INKA2: variants seen among roughly 807,000 people sequenced by gnomAD.
The protein encoded by INKA2 is PAK4-inhibitor INKA2.
Under a neutral mutation model 9.8 loss-of-function variants are expected in INKA2, and 3 were observed. The observed-to-expected ratio is 0.31, with a 90% CI of 0.14 to 0.79. The LOEUF (loss-of-function observed/expected upper bound fraction) is 0.79. INKA2 is among the 30% of genes least tolerant of loss of function. INKA2 has a pLI of 0.62. For missense variants in INKA2, 392 were observed against 384.4 expected, an observed-to-expected ratio of 1.02 and a Z score of -0.17; for synonymous variants, 147 against 143.3, an observed-to-expected ratio of 1.03 and a Z score of -0.18.
chr1:111,740,970 T>C (rs11102330), upstream of INKA2, among the ~76,000 whole-genome samples: 81,068 of 83,454 alleles, frequency 0.97, 39,341 homozygotes, highest in East Asian at 0.99. Flanking sequence ...GAAACTCCGT[T>C]TAAAAAAAAA....
At chr1:111,730,509 C>A (rs1279269391) in intron 1 of INKA2, among the ~76,000 whole-genome samples, 2 of 152,214 alleles carry the variant, frequency 1.3e-5, no homozygotes, top group African/African-American at 4.8e-5. Flanking sequence ...CACACACCTC[C>A]TGTCATCTCC....
intron 1 of INKA2, 44 bp downstream of exon 1, chr1:111,739,142 G>A (rs746542808): frequency 6.3e-7 from 1 of 1,589,674 alleles, no homozygotes; most frequent in Non-Finnish European, 8.6e-7. Context: ...GTGCCCGTCG[G>A]GGCGGAGCAG....
chr1:111,732,194 A>G (rs142675259), intron 1 of INKA2, among the ~76,000 whole-genome samples: 18 of 152,328 alleles, frequency 1.2e-4, no homozygotes, highest in African/African-American at 4.1e-4. Flanking sequence ...CACCCAAGGA[A>G]GAAGAGTCAG....
At position 111,724,595 on chromosome 1, in the gene INKA2, ACAC is replaced by A. The variant is rs1273605170; in HGVS notation, c.*2370_*2372del. 7 of 148,830 alleles carry A rather than the reference ACAC, an allele frequency of 4.7e-5. No individual in the cohort carries two copies. Among genetic ancestry groups the A allele is most frequent in the Middle Eastern group, 3.0e-3 (1 of 338 alleles). 9.2% of individuals were successfully genotyped at this position (148,830 alleles called of 1,614,324 possible). On this transcript the variant is annotated 3_prime_UTR_variant, in exon 2 of 2. Transcript: ENST00000357260. Reference sequence around the variant, plus strand: ...CACACACACACACACACACACACACACACACCACCACTACCACCACCACCACCA... The same window carrying A: ...CACACACACACACACACACACACACAACCACCACTACCACCACCACCACCA...
Position 111,726,879 on chromosome 1 carries a change from G to A in INKA2, c.*89C>T. On this transcript the variant is annotated 3_prime_UTR_variant, in exon 2 of 2. Coordinates refer to ENST00000357260, the MANE Select transcript of INKA2 (RefSeq NM_019099.5). ...AAGGAACTTGGAGTTGGGCTTTCGA[G>A]AGCCATACCGCCCACCCTCCCTCCT... is the stretch of plus-strand genomic sequence containing the variant. 7.6e-7 allele frequency: 1 copy of A among 1,323,516 alleles called. No individual in the cohort carries two copies. Among genetic ancestry groups the A allele is most frequent in the Non-Finnish European group, 1.0e-6 (1 of 955,358 alleles). 82.0% of individuals were successfully genotyped at this position (1,323,516 alleles called of 1,614,324 possible).
In INKA2 at chr1:111,722,897, C is replaced by T; in HGVS notation, c.*4071G>A. ...GGGTTGTCCAGTATCTGCTGAGCTT[C>T]TGCTGTATTCCAGGCAGTGCTTGGA... On this transcript the variant is annotated 3_prime_UTR_variant, in exon 2 of 2. Transcript: ENST00000357260. 1 of 560,510 alleles carries T rather than the reference C, an allele frequency of 1.8e-6. No homozygotes were observed. 34.7% of individuals were successfully genotyped at this position (560,510 alleles called of 1,614,324 possible). A position where few individuals can be genotyped will look rare whatever the true frequency, so the allele number is the denominator to read the frequency against.
At position 111,745,268 on chromosome 1, in the gene INKA2, TATATATA is replaced by T. The variant is rs1663238973; in HGVS notation, n.124+10426_124+10432del. The T allele has an allele frequency of 1.1e-4, 4 of 36,656 alleles. No homozygotes were observed. In the South Asian group the frequency reaches 3.0e-3, roughly 27 times the overall value. 2.3% of individuals were successfully genotyped at this position (36,656 alleles called of 1,614,324 possible). ...CACACACACACACACAGAGATATTATATATATATATATATATATATATATATTTTTTT... is the reference window on the plus strand; with the variant it reads ...CACACACACACACACAGAGATATTATTATATATATATATATATATTTTTTT... On this transcript the variant is annotated intron_variant and non_coding_transcript_variant, in intron 1 of 1. Coordinates refer to the INKA2 transcript ENST00000444059.
intron 1 of INKA2, chr1:111,755,483 G>A: frequency 3.5e-6 from 2 of 577,726 alleles, no homozygotes; most frequent in South Asian, 2.1e-5. Flanking sequence ...GGGTAGCGTT[G>A]GGGAAGAGGT....
Position 111,727,944 on chromosome 1 carries a change from C to T in INKA2, c.58-140G>A, listed in dbSNP as rs508380. Reference sequence around the variant, plus strand: ...GCCACCAGCCCCATCTCTCTATAGCCTAGTGCAGTGCAGATCAGTGCTGGG... The same window carrying T: ...GCCACCAGCCCCATCTCTCTATAGCTTAGTGCAGTGCAGATCAGTGCTGGG... On this transcript the variant is annotated intron_variant, in intron 1 of 1. Transcript: ENST00000357260. 4 of 779,326 alleles carry T rather than the reference C, an allele frequency of 5.1e-6. No homozygotes were observed. The Admixed American group carries it at 6.0e-5, about 12-fold the overall frequency. 48.3% of individuals were successfully genotyped at this position (779,326 alleles called of 1,614,324 possible).
In INKA2 at chr1:111,727,662, G is replaced by A. The variant is rs1384408956; in HGVS notation, c.200C>T (p.Pro67Leu). 18 of 1,610,676 alleles carry A rather than the reference G, an allele frequency of 1.1e-5. No individual in the cohort carries two copies. Among genetic ancestry groups the A allele is most frequent in the Non-Finnish European group, 1.4e-5 (17 of 1,178,164 alleles). ...CTCGCACTGGGTCCTGGGACCTTCAGGGCTGCCTGGCACAGGACCCCCTCC... is the reference window on the plus strand; with the variant it reads ...CTCGCACTGGGTCCTGGGACCTTCAAGGCTGCCTGGCACAGGACCCCCTCC... ...ISGGGPVPGS[P>L]EGPRTQCEHP... is the part of the protein sequence containing the mutation. The change falls in exon 2 of 2, where the codon CCT becomes CTT. Residue 67 changes from proline (P) to leucine (L), a missense_variant. Coordinates refer to ENST00000357260, the MANE Select transcript of INKA2 (RefSeq NM_019099.5).
chr1:111,737,062 G>C (rs981460010), intron 1 of INKA2, among the ~76,000 whole-genome samples: 53 of 152,038 alleles, frequency 3.5e-4, no homozygotes, highest in African/African-American at 1.2e-3. Context: ...GAGCACCATG[G>C]GGGGTAGTGC....
At chr1:111,742,037 C>T (rs772583271), upstream of INKA2, among the ~76,000 whole-genome samples, 2 of 151,940 alleles carry the variant, frequency 1.3e-5, no homozygotes, top group Non-Finnish European at 2.9e-5. Context: ...TCTTTAGGGT[C>T]AAGCTTAAGC....
At chr1:111,734,795 T>TA (rs1662979305) in intron 1 of INKA2, among the ~76,000 whole-genome samples, 1 of 152,250 alleles carries the variant, frequency 6.6e-6, no homozygotes, top group East Asian at 1.9e-4. Context: ...GTTCAAATGC[T>TA]ACCTCTTCCA....
upstream of INKA2, among the ~76,000 whole-genome samples, chr1:111,743,863 C>T (rs139224242): frequency 9.4e-3 from 1,434 of 152,382 alleles, 12 homozygotes; most frequent in Non-Finnish European, 0.016. Flanking sequence ...ACCCCAATCC[C>T]ATCACCCACC....
intron 1 of INKA2, chr1:111,755,622 CAGA>C: frequency 6.3e-7 from 1 of 1,591,576 alleles, no homozygotes; most frequent in South Asian, 1.1e-5. Context: ...CGGCTCCGCC[CAGA>C]AGAGGGCCGA....
At position 111,726,349 on chromosome 1, in the gene INKA2, T is replaced by C. The variant is rs1662770580; in HGVS notation, c.*619A>G. The C allele has an allele frequency of 3.0e-6, 1 of 335,370 alleles. No homozygotes were observed. Among genetic ancestry groups the C allele is most frequent in the Non-Finnish European group, 5.3e-6 (1 of 186,972 alleles). The allele number at this position is 335,370 out of a possible 1,614,324, so 20.8% of individuals were successfully genotyped here. On this transcript the variant is annotated 3_prime_UTR_variant, in exon 2 of 2. Coordinates refer to ENST00000357260, the MANE Select transcript of INKA2 (RefSeq NM_019099.5). ...GCTCCTTACACACTGTACTCCTTAT[T>C]CAGCTCATTTTCTCAGAGTCCAGGT...
At chr1:111,755,565 A>G (rs567756344) in intron 1 of INKA2, 7 of 984,294 alleles carry the variant, frequency 7.1e-6, no homozygotes, top group East Asian at 5.5e-5. Context: ...CACCGGGCGC[A>G]TCACAAAGAA....
chr1:111,734,117 G>A (rs1023852858), intron 1 of INKA2, among the ~76,000 whole-genome samples: 4 of 152,248 alleles, frequency 2.6e-5, no homozygotes, highest in African/African-American at 4.8e-5. Flanking sequence ...CAACAGGAAG[G>A]TAAAGCGGAA....
chr1:111,726,796 AC>A lies in INKA2; in HGVS notation c.*171del. On this transcript the variant is annotated 3_prime_UTR_variant, in exon 2 of 2. Transcript: ENST00000357260. ...CTAGCCCCCAAGACAGCCTCTCCCA[AC>A]CACCTTCCCTTCAGTCCTGAGCCAA... 1.4e-6 allele frequency: 1 copy of A among 715,960 alleles called. No individual in the cohort carries two copies. Among genetic ancestry groups the A allele is most frequent in the Non-Finnish European group, 2.4e-6 (1 of 422,868 alleles). The allele number at this position is 715,960 out of a possible 1,614,324, so 44.4% of individuals were successfully genotyped here.
Sources: gnomAD v4.1 joint callset for allele counts (sites outside exome capture counted in the v4.1 genomes callset) on GRCh38, gnomAD v4.1.1 for gene constraint, MANE v1.5 for transcripts, NCBI Gene and HGNC (gene_info 2026-07-23, HGNC 2026-07-21) for gene names.